The following LCP1 variants were observed in gnomAD, a reference collection of about 807,000 sequenced individuals.
The protein encoded by LCP1 is plastin-2.
Under a neutral mutation model 72.0 loss-of-function variants are expected in LCP1, and 23 were observed. The ratio of observed to expected loss-of-function variants is 0.32; its 90% CI spans 0.23 to 0.45. The LOEUF (loss-of-function observed/expected upper bound fraction) is 0.45, where lower values mean the gene tolerates loss of function less well. Among genes scored for constraint, LCP1 ranks in the 20% least tolerant of loss-of-function variants. LCP1 has a pLI of 1.00. For synonymous variants in LCP1, 245 were observed against 275.4 expected (o/e 0.89, Z 1.09); for missense variants, 571 against 748.3 (o/e 0.76, Z 2.76).
intron 1 of LCP1, among the ~76,000 whole-genome samples, chr13:46,172,300 A>G (rs891695475): frequency 2.0e-4 from 30 of 152,278 alleles, no homozygotes; most frequent in Non-Finnish European, 2.4e-4. Context: ...CCTGGCCAAC[A>G]TGGTGAAAAC....
intron 7 of LCP1, among the ~76,000 whole-genome samples, chr13:46,152,010 G>A (rs1216061181): frequency 2.6e-5 from 4 of 152,084 alleles, no homozygotes; most frequent in Admixed American, 6.5e-5. Context: ...AATTTTCTAC[G>A]GTCTTTAAAA....
At chr13:46,134,074 T>C (rs2045649474) in intron 14 of LCP1, 53 bp downstream of exon 14, 1 of 1,596,514 alleles carries the variant, frequency 6.3e-7, no homozygotes, top group Non-Finnish European at 8.6e-7. Flanking sequence ...ATGAAAACAA[T>C]ACAGATAGGC....
At position 46,165,172 on chromosome 13, in the gene LCP1, G is replaced by A. The variant is rs1019157315; in HGVS notation, c.-24-5486C>T. 4.6e-5 allele frequency among the ~76,000 whole-genome samples: 7 copies of A among 151,914 alleles called. No individual in the cohort carries two copies. In the South Asian group the frequency reaches 1.0e-3, roughly 23 times the overall value. ...CGGATTGCTTTGAGCTTAGGTGTTC[G>A]AGACCAGCCTGGGCAACATGGTGAA... is the stretch of plus-strand genomic sequence containing the variant. On this transcript the variant is annotated intron_variant, in intron 1 of 15. Transcript: ENST00000323076.
intron 15 of LCP1, among the ~76,000 whole-genome samples, chr13:46,130,209 A>G (rs1455302344): frequency 6.6e-6 from 1 of 152,218 alleles, no homozygotes; most frequent in Non-Finnish European, 1.5e-5. Flanking sequence ...TTTTTTTGCA[A>G]AAGACTGGAT....
intron 14 of LCP1, among the ~76,000 whole-genome samples, chr13:46,133,091 A>G (rs542307756): frequency 6.6e-6 from 1 of 152,322 alleles, no homozygotes; most frequent in East Asian, 1.9e-4. Context: ...AAATGCTGCT[A>G]TTAATAAAAA....
In LCP1 at chr13:46,154,672, T is replaced by C. The variant is rs977230175; in HGVS notation, c.573+133A>G. The C allele has an allele frequency of 1.2e-5, 8 of 678,078 alleles. No homozygotes were observed. In the South Asian group the frequency reaches 1.3e-4, roughly 11 times the overall value. 42.0% of individuals were successfully genotyped at this position (678,078 alleles called of 1,614,324 possible). A position where few individuals can be genotyped will look rare whatever the true frequency, so the allele number is the denominator to read the frequency against. ...GAAATGTATCCCTTTATCCCTGAAG[T>C]ATGACAAGTCACCAGCCCAAAGCCT... On this transcript the variant is annotated intron_variant, in intron 6 of 15. Transcript: ENST00000323076.
At chr13:46,162,015 T>C (rs1242311804) in intron 1 of LCP1, among the ~76,000 whole-genome samples, 1 of 152,296 alleles carries the variant, frequency 6.6e-6, no homozygotes, top group East Asian at 1.9e-4. Flanking sequence ...TCCTTCAATA[T>C]AGGCTGATGG....
chr13:46,144,653 G>A (rs1014427278), intron 10 of LCP1, 133 bp from the exon 11 acceptor site: 2 of 658,324 alleles, frequency 3.0e-6, no homozygotes, highest in African/African-American at 1.8e-5. Context: ...AACTGTATTG[G>A]ATTTGGACGA....
In LCP1 at chr13:46,154,900, A is replaced by C. The variant is rs781660864; in HGVS notation, c.492-14T>G. ...TTGATCATTTTACTGAAAGAGAAAC[A>C]ATTAAATTAAAGAAAGCAGTCTTCT... On this transcript the variant is annotated splice_polypyrimidine_tract_variant and intron_variant, in intron 5 of 15. Transcript: ENST00000323076. 1 of 1,603,710 alleles carries C rather than the reference A, an allele frequency of 6.2e-7. No individual in the cohort carries two copies.
intron 2 of LCP1, chr13:46,159,270 T>G (rs2045823131): frequency 1.9e-6 from 1 of 518,238 alleles, no homozygotes; most frequent in Non-Finnish European, 3.4e-6. Flanking sequence ...AAACCACAGG[T>G]TTAGTGATAA....
intron 1 of LCP1, among the ~76,000 whole-genome samples, chr13:46,174,731 A>T (rs1245411000): frequency 1.3e-5 from 2 of 151,900 alleles, no homozygotes; most frequent in African/African-American, 4.8e-5. Context: ...CTGTAATCCC[A>T]GCTACTCAGG....
In LCP1 at chr13:46,176,902, T is replaced by TGTGTGTGA. The variant is rs35450261; in HGVS notation, c.-25+5208_-25+5209insTCACACAC. Reference sequence around the variant, plus strand: ...GTGTGTGTGTGTGTGTGTGTGTGTGTGAGAGAGCGAGAGAGAGAGAGGGAG... The same window carrying TGTGTGTGA: ...GTGTGTGTGTGTGTGTGTGTGTGTGTGTGTGTGAGAGAGAGCGAGAGAGAGAGAGGGAG... On this transcript the variant is annotated intron_variant, in intron 1 of 15. Coordinates refer to ENST00000323076, the MANE Select transcript of LCP1 (RefSeq NM_002298.5). Among the ~76,000 whole-genome samples, 9 of 150,868 alleles carry TGTGTGTGA rather than the reference T, an allele frequency of 6.0e-5. No homozygotes were observed. In the South Asian group the frequency reaches 8.3e-4, roughly 14 times the overall value.
At chr13:46,145,879 A>G (rs1036768961) in intron 10 of LCP1, among the ~76,000 whole-genome samples, 1 of 106,782 alleles carries the variant, frequency 9.4e-6, no homozygotes, top group Non-Finnish European at 1.8e-5. Context: ...ACTGCACTCC[A>G]GCCTGGGCGA....
chr13:46,145,875 C>T (rs2045727090), intron 10 of LCP1, among the ~76,000 whole-genome samples: 1 of 62,996 alleles, frequency 1.6e-5, no homozygotes, highest in South Asian at 3.2e-4. Context: ...CGCCACTGCA[C>T]TCCAGCCTGG....
At chr13:46,143,911 A>G (rs1270130070) in intron 11 of LCP1, among the ~76,000 whole-genome samples, 1 of 152,150 alleles carries the variant, frequency 6.6e-6, no homozygotes, top group Non-Finnish European at 1.5e-5. Context: ...CTAAAAATAC[A>G]AAAAATTAGC....
intron 1 of LCP1, among the ~76,000 whole-genome samples, chr13:46,166,614 G>C (rs1220263744): frequency 6.6e-6 from 1 of 152,054 alleles, no homozygotes; most frequent in East Asian, 1.9e-4. Flanking sequence ...TAATCCAAAA[G>C]AACACATCAT....
intron 1 of LCP1, among the ~76,000 whole-genome samples, chr13:46,180,098 T>C (rs532538084): frequency 6.6e-6 from 1 of 152,238 alleles, no homozygotes; most frequent in Non-Finnish European, 1.5e-5. Flanking sequence ...GAGAAAAATA[T>C]GCTGGCCTGG....
At chr13:46,136,957 G>A (rs767601422) in intron 13 of LCP1, among the ~76,000 whole-genome samples, 29 of 152,146 alleles carry the variant, frequency 1.9e-4, no homozygotes, top group Non-Finnish European at 4.0e-4. Flanking sequence ...CCTAAGCCTG[G>A]GAACTAAATG....
chr13:46,127,788 A>C, intron 15 of LCP1, 65 bp from the exon 16 acceptor site: 1 of 1,587,090 alleles, frequency 6.3e-7, no homozygotes, highest in Non-Finnish European at 8.6e-7. Context: ...GGGACCCTGG[A>C]GGGTCACAGT....
Sources: gnomAD v4.1 joint callset for allele counts (sites outside exome capture counted in the v4.1 genomes callset) on GRCh38, gnomAD v4.1.1 for gene constraint, MANE v1.5 for transcripts, NCBI Gene and HGNC (gene_info 2026-07-23, HGNC 2026-07-21) for gene names.